PTPRT: variants seen among roughly 807,000 people sequenced by gnomAD.
PTPRT encodes protein tyrosine phosphatase receptor type T.
Under a neutral mutation model 176.8 loss-of-function variants are expected in PTPRT, and 56 were observed. The ratio of observed to expected loss-of-function variants is 0.32; its 90% CI spans 0.26 to 0.40. PTPRT has a LOEUF of 0.40. PTPRT is among the 10% of genes least tolerant of loss of function. The pLI is 1.00. For synonymous variants in PTPRT, 783 were observed against 739.0 expected (o/e 1.06, Z -0.96); for missense variants, 1,540 against 1,908.2 (o/e 0.81, Z 3.60).
At chr20:42,549,653 TTTATTCA>T (rs2072733859) in intron 7 of PTPRT, among the ~76,000 whole-genome samples, 1 of 152,188 alleles carries the variant, frequency 6.6e-6, no homozygotes, top group Non-Finnish European at 1.5e-5. Context: ...GAGGCACCTG[TTTATTCA>T]TCTGCTTAGA....
chr20:42,751,910 T>A (rs115953201), intron 6 of PTPRT, among the ~76,000 whole-genome samples: 1 of 152,210 alleles, frequency 6.6e-6, no homozygotes, highest in Non-Finnish European at 1.5e-5. Flanking sequence ...CCTGTGATCA[T>A]GTGAGTCAGT....
At chr20:42,851,073 G>A (rs1231766575) in intron 2 of PTPRT, among the ~76,000 whole-genome samples, 1 of 151,950 alleles carries the variant, frequency 6.6e-6, no homozygotes, top group African/African-American at 2.4e-5. Flanking sequence ...CCTTCCTGTT[G>A]GCCATTCTCC....
intron 17 of PTPRT, among the ~76,000 whole-genome samples, chr20:42,146,583 C>T (rs1227559074): frequency 6.6e-6 from 1 of 152,114 alleles, no homozygotes; most frequent in Non-Finnish European, 1.5e-5. Flanking sequence ...TAAAACTCCC[C>T]AGCTGATGCT....
intron 26 of PTPRT, 121 bp downstream of exon 26, chr20:42,102,003 G>C: frequency 8.3e-7 from 1 of 1,206,166 alleles, no homozygotes; most frequent in Non-Finnish European, 1.2e-6. Context: ...GGGACTAGTA[G>C]ATCAGAAGCA....
chr20:42,836,387 C>T (rs2078181461), intron 2 of PTPRT, among the ~76,000 whole-genome samples: 1 of 152,178 alleles, frequency 6.6e-6, no homozygotes, highest in Admixed American at 6.5e-5. Context: ...TGTGTACTTC[C>T]AGCTGTTGAA....
At chr20:42,640,816 G>A (rs2074729580) in intron 7 of PTPRT, among the ~76,000 whole-genome samples, 2 of 152,130 alleles carry the variant, frequency 1.3e-5, no homozygotes, top group African/African-American at 4.8e-5. Flanking sequence ...GTCAGATTTT[G>A]CTTTCTAGCT....
At chr20:43,000,539 A>C (rs1984504513) in intron 1 of PTPRT, among the ~76,000 whole-genome samples, 2 of 152,214 alleles carry the variant, frequency 1.3e-5, no homozygotes, top group Admixed American at 1.3e-4. Context: ...TAAGACAATA[A>C]AGTGACATGA....
chr20:42,043,344 A>G, the PTPRT span, among the ~76,000 whole-genome samples: 1 of 152,274 alleles, frequency 6.6e-6, no homozygotes, highest in East Asian at 1.9e-4. Context: ...CAAGTAAACA[A>G]TGTTGGGTCC....
In PTPRT at chr20:42,448,213, T is replaced by C. The variant is rs1432234903; in HGVS notation, c.1560+7A>G. 6.3e-7 allele frequency: 1 copy of C among 1,598,206 alleles called. No homozygotes were observed. Among genetic ancestry groups the C allele is most frequent in the African/African-American group, 1.3e-5 (1 of 74,570 alleles). ...GCCAATGGATGCAGCACAAGGGACCTCCTTACCTCGTAGAGCGTGATGACC... is the reference window on the plus strand; with the variant it reads ...GCCAATGGATGCAGCACAAGGGACCCCCTTACCTCGTAGAGCGTGATGACC... On this transcript the variant is annotated splice_region_variant and intron_variant, in intron 9 of 30. Coordinates refer to ENST00000373187, the MANE Select transcript of PTPRT (RefSeq NM_007050.6).
chr20:42,535,272 T>C (rs767861909), intron 7 of PTPRT, among the ~76,000 whole-genome samples: 4 of 152,058 alleles, frequency 2.6e-5, no homozygotes, highest in Non-Finnish European at 4.4e-5. Flanking sequence ...AGCTAAATGA[T>C]GAGTACATAG....
chr20:42,182,907 GGTGTGTGTGT>G (rs10608197), intron 16 of PTPRT, among the ~76,000 whole-genome samples: 29,739 of 144,622 alleles, frequency 0.21, 3,246 homozygotes, highest in African/African-American at 0.26. Flanking sequence ...TACAAGCAGG[GGTGTGTGTGT>G]GTGTGTGTGT....
chr20:42,737,505 T>TCCCACCACCCAC (rs2076557208), intron 6 of PTPRT, among the ~76,000 whole-genome samples: 1 of 151,190 alleles, frequency 6.6e-6, no homozygotes, highest in Non-Finnish European at 1.5e-5. Flanking sequence ...GTGGTGGGAG[T>TCCCACCACCCAC]CTGTAATCCC....
chr20:42,394,032 T>C (rs2058825669), intron 9 of PTPRT, among the ~76,000 whole-genome samples: 2 of 149,836 alleles, frequency 1.3e-5, no homozygotes, highest in East Asian at 2.0e-4. Context: ...TCTATGAAGA[T>C]GTGACAGGTC....
chr20:42,278,779 G>A (rs1198501421), intron 13 of PTPRT, among the ~76,000 whole-genome samples: 3 of 152,122 alleles, frequency 2.0e-5, no homozygotes, highest in Non-Finnish European at 2.9e-5. Context: ...ATGGGATAAT[G>A]TACCTCTCAT....
intron 1 of PTPRT, chr20:42,966,490 C>T (rs915073815): frequency 1.3e-5 from 2 of 152,190 alleles, no homozygotes; most frequent in African/African-American, 4.8e-5. Flanking sequence ...TCCATTTCCC[C>T]CAGAGACCAA....
In PTPRT at chr20:42,191,565, G is replaced by A. The variant is rs187335693; in HGVS notation, c.2491+7675C>T. 6.1e-4 allele frequency among the ~76,000 whole-genome samples: 93 copies of A among 152,276 alleles called. 1 individual carries two copies. Among genetic ancestry groups the A allele is most frequent in the African/African-American group, 2.1e-3 (89 of 41,550 alleles). On this transcript the variant is annotated intron_variant, in intron 16 of 30. Coordinates refer to ENST00000373187, the MANE Select transcript of PTPRT (RefSeq NM_007050.6). ...AGACTGAAAAACAGAAATTTATTCC[G>A]AGGAGGGCTGATGGCTGATGCAGTG...
intron 8 of PTPRT, among the ~76,000 whole-genome samples, chr20:42,464,454 C>T (rs1237316016): frequency 6.6e-6 from 1 of 152,150 alleles, no homozygotes; most frequent in Non-Finnish European, 1.5e-5. Context: ...CAGGGAATGC[C>T]CTTCAGGTAA....
chr20:42,773,382 A>G (rs2077090205), intron 4 of PTPRT, among the ~76,000 whole-genome samples: 2 of 152,148 alleles, frequency 1.3e-5, no homozygotes, highest in African/African-American at 4.8e-5. Context: ...TGAGTCTGAC[A>G]CTGTTTGTAG....
At chr20:43,148,622 G>A (rs2014245407) in intron 1 of PTPRT, among the ~76,000 whole-genome samples, 2 of 152,174 alleles carry the variant, frequency 1.3e-5, no homozygotes, top group East Asian at 3.8e-4. Context: ...AAGAAGAGGT[G>A]TTCCCATCCA....
Sources: allele counts gnomAD v4.1 joint callset (sites outside exome capture counted in the v4.1 genomes callset), GRCh38; gene constraint gnomAD v4.1.1; transcripts MANE v1.5; gene names NCBI Gene and HGNC (gene_info 2026-07-23, HGNC 2026-07-21).